The following PDE10A variants were observed in gnomAD, a reference collection of about 807,000 sequenced individuals.
PDE10A encodes the protein cAMP and cAMP-inhibited cGMP 3',5'-cyclic phosphodiesterase 10A.
A neutral mutation model predicts 97.7 loss-of-function variants in PDE10A; 39 were observed. The observed-to-expected ratio is 0.40, with a 90% CI of 0.31 to 0.52. The LOEUF (loss-of-function observed/expected upper bound fraction) is 0.52, where lower values mean the gene tolerates loss of function less well. Ranked by LOEUF, PDE10A falls within the 20% of genes least tolerant of loss-of-function variation. PDE10A has a pLI of 0.56. For synonymous variants in PDE10A, 371 were observed against 376.8 expected (o/e 0.98, Z 0.18); for missense variants, 731 against 1,047.8 (o/e 0.70, Z 4.17).
rs1435085822 is a variant in PDE10A, at chr6:165,957,892, T to G, written c.-615+29637A>C. The stretch of plus-strand genomic sequence containing the variant: ...AGTCTGAATTAGGTCCATGTCTCCA[T>G]GGAGGCCCTGGCCGAAAATCCAGCT... On this transcript the variant is annotated intron_variant, in intron 1 of 19. Coordinates refer to the PDE10A transcript ENST00000366882. Among the ~76,000 whole-genome samples, 3 of 152,230 alleles carry G rather than the reference T, an allele frequency of 2.0e-5. No individual in the cohort carries two copies. The East Asian group carries it at 5.8e-4, about 29-fold the overall frequency.
intron 1 of PDE10A, among the ~76,000 whole-genome samples, chr6:165,736,003 A>G (rs1032422249): frequency 4.6e-5 from 7 of 152,226 alleles, no homozygotes; most frequent in African/African-American, 1.4e-4. Flanking sequence ...GTGAGGAAAA[A>G]TAAGCATTAA....
intron 1 of PDE10A, among the ~76,000 whole-genome samples, chr6:165,788,626 G>T (rs1319172664): frequency 6.6e-6 from 1 of 151,684 alleles, no homozygotes; most frequent in Non-Finnish European, 1.5e-5. Flanking sequence ...GCTTTCAGGG[G>T]ATATTTAATC....
chr6:165,903,938 C>A (rs148090426), intron 1 of PDE10A, among the ~76,000 whole-genome samples: 159 of 152,268 alleles, frequency 1.0e-3, no homozygotes, highest in African/African-American at 3.4e-3. Flanking sequence ...AAGGAGGCCA[C>A]TGGGGACCAT....
At chr6:165,619,108 T>C (rs369230006) in intron 1 of PDE10A, among the ~76,000 whole-genome samples, 6 of 138,454 alleles carry the variant, frequency 4.3e-5, no homozygotes, top group South Asian at 2.4e-4. Flanking sequence ...TGTAGTCTAG[T>C]GTAGTGTAGT....
chr6:165,559,748 G>A (rs1450918172), intron 1 of PDE10A, among the ~76,000 whole-genome samples: 1 of 152,132 alleles, frequency 6.6e-6, no homozygotes, highest in Admixed American at 6.5e-5. Context: ...GGACCTGGTG[G>A]GAGATAACTG....
chr6:165,450,315 A>T lies in PDE10A; in HGVS notation c.1071T>A (p.Tyr357Ter). 3 of 1,590,982 alleles carry T rather than the reference A, an allele frequency of 1.9e-6. No homozygotes were observed. Among genetic ancestry groups the T allele is most frequent in the Non-Finnish European group, 1.7e-6 (2 of 1,160,268 alleles). Residue 357 changes from tyrosine to a stop codon, truncating the protein, a stop_gained, in exon 4 of 22, where the codon TAT (tyrosine) becomes TAA (stop). Coordinates refer to ENST00000539869, the MANE Select transcript of PDE10A (RefSeq NM_001385079.1). LOFTEE classifies it high-confidence loss of function. ...CTCCTGTGTCCAACCGTTGTTCTATATAGCTGTTTAGTTCATATACAACTC... is the reference window on the plus strand; with the variant it reads ...CTCCTGTGTCCAACCGTTGTTCTATTTAGCTGTTTAGTTCATATACAACTC... ...MQGVVYELNS[Y>*]IEQRLDTGGD...
At chr6:165,760,218 T>A (rs1488905569) in intron 1 of PDE10A, among the ~76,000 whole-genome samples, 1 of 152,196 alleles carries the variant, frequency 6.6e-6, no homozygotes, top group Admixed American at 6.5e-5. Context: ...AGGTTTTTCA[T>A]CTTAATTACA....
intron 1 of PDE10A, among the ~76,000 whole-genome samples, chr6:165,679,713 A>T (rs1485279623): frequency 1.3e-5 from 2 of 152,240 alleles, no homozygotes; most frequent in African/African-American, 4.8e-5. Context: ...TTCAAGCCTC[A>T]TCCATCGCTG....
intron 3 of PDE10A, among the ~76,000 whole-genome samples, chr6:165,463,764 A>T (rs1269873124): frequency 6.6e-6 from 1 of 152,230 alleles, no homozygotes; most frequent in Non-Finnish European, 1.5e-5. Context: ...TCATGGCCAT[A>T]AAGCCCACAC....
chr6:165,531,824 A>G (rs1355354474), intron 2 of PDE10A, among the ~76,000 whole-genome samples: 1 of 152,158 alleles, frequency 6.6e-6, no homozygotes, highest in Non-Finnish European at 1.5e-5. Flanking sequence ...TACTTTTCCT[A>G]TTACAATCAA....
chr6:165,405,012 T>C (rs1306789282), intron 13 of PDE10A, among the ~76,000 whole-genome samples: 3 of 152,174 alleles, frequency 2.0e-5, no homozygotes, highest in Non-Finnish European at 4.4e-5. Flanking sequence ...AGTTCTTTCA[T>C]GCTGAGGACT....
chr6:165,428,785 T>C (rs908166111), intron 9 of PDE10A, 76 bp from the exon 10 acceptor site: 1 of 588,512 alleles, frequency 1.7e-6, no homozygotes, highest in Non-Finnish European at 3.0e-6. Flanking sequence ...ATTCATTTCC[T>C]GGTTTTGTCT....
intron 10 of PDE10A, among the ~76,000 whole-genome samples, chr6:165,421,830 G>A (rs1788716801): frequency 6.6e-6 from 1 of 152,226 alleles, no homozygotes; most frequent in African/African-American, 2.4e-5. Flanking sequence ...GGGAGGCCAA[G>A]CCCCTTGGAC....
chr6:165,483,990 A>G (rs1389138387), intron 2 of PDE10A, among the ~76,000 whole-genome samples: 4 of 152,232 alleles, frequency 2.6e-5, no homozygotes, highest in African/African-American at 7.2e-5. Flanking sequence ...AAATTTACCT[A>G]TGGCTGATTT....
intron 1 of PDE10A, among the ~76,000 whole-genome samples, chr6:165,812,093 C>A (rs1779299500): frequency 6.6e-6 from 1 of 152,146 alleles, no homozygotes; most frequent in Admixed American, 6.5e-5. Context: ...ACCTCATGAT[C>A]TGCCCACCTC....
At chr6:165,359,352 G>T (rs1783235390) in intron 18 of PDE10A, among the ~76,000 whole-genome samples, 1 of 151,866 alleles carries the variant, frequency 6.6e-6, no homozygotes. Flanking sequence ...CTCCTTTTTT[G>T]AAGAATGTTT....
At chr6:165,637,634 T>C (rs568271959) in intron 1 of PDE10A, among the ~76,000 whole-genome samples, 1 of 152,290 alleles carries the variant, frequency 6.6e-6, no homozygotes, top group East Asian at 1.9e-4. Flanking sequence ...AGGCATCATG[T>C]TAAGTGGCAA....
At chr6:165,479,384 C>G (rs1779474359) in intron 3 of PDE10A, among the ~76,000 whole-genome samples, 1 of 152,128 alleles carries the variant, frequency 6.6e-6, no homozygotes, top group Admixed American at 6.5e-5. Flanking sequence ...ATGACTCACT[C>G]TGCACCTGTC....
intron 2 of PDE10A, among the ~76,000 whole-genome samples, chr6:165,525,765 G>A (rs891804981): frequency 7.9e-5 from 12 of 152,172 alleles, no homozygotes. Context: ...CAAAGTGGGT[G>A]TAGATACTAT....
Sources: gnomAD v4.1 joint callset for allele counts (sites outside exome capture counted in the v4.1 genomes callset) on GRCh38, gnomAD v4.1.1 for gene constraint, MANE v1.5 for transcripts, NCBI Gene and HGNC (gene_info 2026-07-23, HGNC 2026-07-21) for gene names.